The following LRRC37A3 variants were observed in gnomAD, a reference collection of about 807,000 sequenced individuals.
LRRC37A3 encodes the protein leucine-rich repeat-containing protein 37A3.
In LRRC37A3, 25 loss-of-function variants were observed where a neutral mutation model predicts 106.2. The ratio of observed to expected loss-of-function variants is 0.24; its 90% CI spans 0.17 to 0.33. The LOEUF (loss-of-function observed/expected upper bound fraction) is 0.33, where lower values mean the gene tolerates loss of function less well. Ranked by LOEUF, LRRC37A3 falls within the 10% of genes least tolerant of loss-of-function variation. The pLI is 1.00. For missense variants in LRRC37A3, 712 were observed against 1,644.9 expected (o/e 0.43, Z 9.81); for synonymous variants, 305 against 635.8 (o/e 0.48, Z 7.83).
chr17:64,883,212 T>C (rs1157311272), intron 8 of LRRC37A3, among the ~76,000 whole-genome samples: 7 of 152,204 alleles, frequency 4.6e-5, no homozygotes, highest in African/African-American at 1.7e-4. Context: ...AACCTCGATA[T>C]GGTTGTTTGA....
At chr17:64,913,536 C>T (rs1276869129) in intron 2 of LRRC37A3, among the ~76,000 whole-genome samples, 11 of 151,516 alleles carry the variant, frequency 7.3e-5, no homozygotes, top group Middle Eastern at 3.2e-3. Flanking sequence ...GATGGGGTTT[C>T]GCCATGTTGT....
chr17:64,911,764 TC>T (rs1045987570), intron 2 of LRRC37A3, among the ~76,000 whole-genome samples: 10 of 136,208 alleles, frequency 7.3e-5, no homozygotes, highest in Non-Finnish European at 1.4e-4. Flanking sequence ...ATGCCTGTAA[TC>T]CCAGCACTTT....
At chr17:64,884,494 T>C (rs1973811404) in intron 8 of LRRC37A3, among the ~76,000 whole-genome samples, 1 of 150,982 alleles carries the variant, frequency 6.6e-6, no homozygotes, top group South Asian at 2.1e-4. Context: ...GCCTCCTGAG[T>C]ACCTAGGATT....
At chr17:64,866,628 A>ATATATATTT (rs1491179388) in intron 10 of LRRC37A3, among the ~76,000 whole-genome samples, 2 of 17,870 alleles carry the variant, frequency 1.1e-4, no homozygotes, top group Non-Finnish European at 1.7e-4. Context: ...ATATATATAT[A>ATATATATTT]TTTTTTTTTT....
chr17:64,869,956 A>G (rs1392427062), intron 8 of LRRC37A3, among the ~76,000 whole-genome samples: 3,439 of 147,076 alleles, frequency 0.023, 138 homozygotes, highest in African/African-American at 0.089. Flanking sequence ...TCTAAGAGGA[A>G]GAACTGGTCA....
At chr17:64,869,819 G>A (rs1211907101) in intron 8 of LRRC37A3, among the ~76,000 whole-genome samples, 1 of 151,766 alleles carries the variant, frequency 6.6e-6, no homozygotes, top group Non-Finnish European at 1.5e-5. Context: ...AGGATTACTG[G>A]CATGAGCCAC....
intron 10 of LRRC37A3, among the ~76,000 whole-genome samples, chr17:64,866,616 ATATATATATATATTTTTT>A (rs1303959582): frequency 2.9e-4 from 7 of 23,760 alleles, no homozygotes; most frequent in African/African-American, 1.3e-3. Flanking sequence ...ATATATATAT[ATATATATATATATTTTTT>A]TTTTTTTTTT....
In LRRC37A3 at chr17:64,859,838, T is replaced by C. The variant is rs759874453; in HGVS notation, c.4308A>G (p.Pro1436=). Residue 1436 remains proline, a synonymous_variant, in exon 12 of 15, where the codon CCA becomes CCG. Transcript: ENST00000584306. ...ATTTTGTCTCAGTTTGTTTAACAGT[T>C]GGCCCTAAGTTGAATGCAGTCCCAG... ...DSAGTAFNLG[P]TVKQTETKWE... 8 of 1,612,296 alleles carry C rather than the reference T, an allele frequency of 5.0e-6. No homozygotes were observed. In the South Asian group the frequency reaches 7.7e-5, roughly 16 times the overall value.
At position 64,859,609 on chromosome 17, in the gene LRRC37A3, T is replaced by G. The variant is rs1972800163; in HGVS notation, c.4537A>C (p.Thr1513Pro). 3 of 1,613,044 alleles carry G rather than the reference T, an allele frequency of 1.9e-6. No individual in the cohort carries two copies. The South Asian group carries it at 3.3e-5, about 18-fold the overall frequency. The change falls in exon 12 of 15, where the codon ACC (threonine) becomes CCC (proline). Residue 1513 changes from threonine (T) to proline (P), a missense_variant. Transcript: ENST00000584306. ...MDCSGAHVQVTCAKLVSRTGH... is the reference protein window; with the variant it reads ...MDCSGAHVQVPCAKLVSRTGH... The stretch of plus-strand genomic sequence containing the variant: ...GTCCTGGAGACGAGCTTGGCACAGG[T>G]CACTTGCACATGGGCCCCAGAGCAG...
At position 64,858,881 on chromosome 17, in the gene LRRC37A3, G is replaced by C; in HGVS notation, c.4707C>G (p.Phe1569Leu). The change falls in exon 13 of 15, where the codon TTC becomes TTG. Residue 1569 changes from phenylalanine (F) to leucine (L), a missense_variant and splice_region_variant. Phe to Leu is a conservative substitution (Grantham distance 22). Transcript: ENST00000584306. ...QSEQKEKSLEFTKELPGYGYT... is the reference protein window; with the variant it reads ...QSEQKEKSLELTKELPGYGYT... ...AGCCATATCCTGGAAGTTCTTTTGT[G>C]AACTAAAAAAAAAAAAACCAGAATG... 1 of 1,569,710 alleles carries C rather than the reference G, an allele frequency of 6.4e-7. No homozygotes were observed. The highest frequency in any genetic ancestry group is 8.7e-7 in the Non-Finnish European group (1 of 1,154,680).
At chr17:64,881,854 G>A (rs1281565448) in intron 8 of LRRC37A3, among the ~76,000 whole-genome samples, 2 of 148,710 alleles carry the variant, frequency 1.3e-5, no homozygotes, top group African/African-American at 5.0e-5. Flanking sequence ...CCCTGGGGAT[G>A]CCCAGAGCTG....
chr17:64,867,507 G>A (rs1183211205), intron 10 of LRRC37A3, among the ~76,000 whole-genome samples: 1 of 152,220 alleles, frequency 6.6e-6, no homozygotes, highest in Non-Finnish European at 1.5e-5. Flanking sequence ...CACAGATGCT[G>A]AGGTCTTTTT....
chr17:64,879,146 T>C (rs1315446131), intron 8 of LRRC37A3, among the ~76,000 whole-genome samples: 1 of 151,618 alleles, frequency 6.6e-6, no homozygotes, highest in Admixed American at 6.6e-5. Flanking sequence ...CAAAGTAGAT[T>C]AGTAGTTACC....
At chr17:64,915,359 C>T (rs1470699963) in intron 2 of LRRC37A3, among the ~76,000 whole-genome samples, 1 of 151,752 alleles carries the variant, frequency 6.6e-6, no homozygotes. Flanking sequence ...ATCAGCAAAC[C>T]ATGGCCAATC....
In LRRC37A3 at chr17:64,858,844, G is replaced by A; in HGVS notation, c.4744C>T (p.Leu1582Phe). The A allele has an allele frequency of 6.8e-6, 11 of 1,610,686 alleles. No individual in the cohort carries two copies. Among genetic ancestry groups the A allele is most frequent in the Non-Finnish European group, 9.3e-6 (11 of 1,177,998 alleles). The change falls in exon 13 of 15, where the codon CTC becomes TTC. Residue 1582 changes from leucine to phenylalanine, a missense_variant. By Grantham distance (22) the Leu-to-Phe change is conservative. Coordinates refer to ENST00000584306, the MANE Select transcript of LRRC37A3 (RefSeq NM_199340.5). ...CCAGTCACAATTAACGCCAAGATGA[G>A]TTTTTTGGTATAGCCATATCCTGGA... ...ELPGYGYTKK[L>F]ILALIVTGIL...
Position 64,864,030 on chromosome 17 carries a change from T to C in LRRC37A3, c.3054-1012A>G, listed in dbSNP as rs550515483. 9.3e-5 allele frequency among the ~76,000 whole-genome samples: 14 copies of C among 150,488 alleles called. No homozygotes were observed. In the South Asian group the frequency reaches 2.5e-3, roughly 27 times the overall value. ...TTTCAGTAGTGACAGAGTTTCCCCATGTTGCTCAGGCTGGTGTAGAACTCC... is the reference window on the plus strand; with the variant it reads ...TTTCAGTAGTGACAGAGTTTCCCCACGTTGCTCAGGCTGGTGTAGAACTCC... On this transcript the variant is annotated intron_variant, in intron 10 of 14. Transcript: ENST00000584306.
intron 13 of LRRC37A3, among the ~76,000 whole-genome samples, chr17:64,856,480 C>T (rs1351684241): frequency 2.0e-5 from 3 of 150,336 alleles, no homozygotes; most frequent in Admixed American, 6.6e-5. Flanking sequence ...CCATGCCTGG[C>T]CCCATGTAAT....
chr17:64,861,631 G>A (rs1343360951), intron 11 of LRRC37A3, among the ~76,000 whole-genome samples: 1 of 152,328 alleles, frequency 6.6e-6, no homozygotes, highest in African/African-American at 2.4e-5. Context: ...GATTTGGGGT[G>A]TATGTTAAGA....
At chr17:64,866,688 T>C (rs1341129884) in intron 10 of LRRC37A3, among the ~76,000 whole-genome samples, 1 of 122,716 alleles carries the variant, frequency 8.1e-6, no homozygotes, top group East Asian at 2.6e-4. Flanking sequence ...TGGAGTGCAG[T>C]GGTGCCATCT....
Sources: gnomAD v4.1 joint callset for allele counts (sites outside exome capture counted in the v4.1 genomes callset) on GRCh38, gnomAD v4.1.1 for gene constraint, MANE v1.5 for transcripts, NCBI Gene and HGNC (gene_info 2026-07-23, HGNC 2026-07-21) for gene names.